Variants in ATF7 observed in about 807,000 individuals in gnomAD.
ATF7 encodes cyclic AMP-dependent transcription factor ATF-7.
In ATF7, 10 loss-of-function variants were observed where a neutral mutation model predicts 50.4. The ratio of observed to expected loss-of-function variants is 0.20; its 90% CI spans 0.12 to 0.34. The LOEUF is 0.34. Among genes scored for constraint, ATF7 ranks in the 10% least tolerant of loss-of-function variants. ATF7 has a pLI of 1.00. For synonymous variants in ATF7, 201 were observed against 226.4 expected, an observed-to-expected ratio of 0.89 and a Z score of 1.01; for missense variants, 465 against 613.9, an observed-to-expected ratio of 0.76 and a Z score of 2.56.
chr12:53,517,626 T>C, intron 11 of ATF7: 1 of 482,172 alleles, frequency 2.1e-6, no homozygotes, highest in Admixed American at 3.3e-5. Flanking sequence ...GTCTGGTTTC[T>C]AGGTCTTTGC....
intron 2 of ATF7, among the ~76,000 whole-genome samples, chr12:53,570,103 G>C (rs1173297329): frequency 6.6e-6 from 1 of 152,142 alleles, no homozygotes; most frequent in Non-Finnish European, 1.5e-5. Context: ...GAGATACCAG[G>C]CAGATACATA....
chr12:53,589,955 G>C (rs1592942313), intron 2 of ATF7, among the ~76,000 whole-genome samples: 1 of 152,092 alleles, frequency 6.6e-6, no homozygotes, highest in East Asian at 1.9e-4. Flanking sequence ...TTTTGGTAGA[G>C]TCAGGGTCTC....
chr12:53,586,311 A>G, intron 2 of ATF7, among the ~76,000 whole-genome samples: 1 of 152,170 alleles, frequency 6.6e-6, no homozygotes, highest in Non-Finnish European at 1.5e-5. Context: ...AGTCTCCGTT[A>G]GTCCTAAAAA....
rs540889934 is a variant in ATF7 at position 53,530,644 on chromosome 12, A to G, written c.927+1100T>C. 4.6e-5 allele frequency among the ~76,000 whole-genome samples: 7 copies of G among 152,020 alleles called. No individual in the cohort carries two copies. In the East Asian group the frequency reaches 7.7e-4, roughly 17 times the overall value. ...TTCTTTTGAGACAAAGTCTCACTCT[A>G]TCACCCAGGCTGGAGTGCAGTGGTG... is the stretch of plus-strand genomic sequence containing the variant. On this transcript the variant is annotated intron_variant, in intron 9 of 11. Coordinates refer to ENST00000420353, the MANE Select transcript of ATF7 (RefSeq NM_006856.3).
intron 2 of ATF7, among the ~76,000 whole-genome samples, chr12:53,581,223 T>C (rs533773949): frequency 3.3e-4 from 51 of 152,262 alleles, no homozygotes; most frequent in African/African-American, 1.2e-3. Flanking sequence ...AAGAGACAGA[T>C]AGATGAACCT....
intron 1 of ATF7, among the ~76,000 whole-genome samples, chr12:53,603,804 A>G (rs1451139887): frequency 6.6e-6 from 1 of 152,230 alleles, no homozygotes; most frequent in Admixed American, 6.5e-5. Context: ...TGCTACATAT[A>G]AAGAATGTCA....
chr12:53,540,682 C>T (rs930685961), intron 4 of ATF7, among the ~76,000 whole-genome samples: 16 of 151,728 alleles, frequency 1.1e-4, no homozygotes, highest in South Asian at 4.1e-4. Context: ...GCCGAGATTG[C>T]GCTACTGCAC....
In ATF7 at chr12:53,532,635, G is replaced by T; in HGVS notation, c.661-12C>A. The stretch of plus-strand genomic sequence containing the variant: ...ACAGGTCTGGCCAGCTGGATCGAGA[G>T]AAGGAAAAAAAAAAAAAGAGAAGGG... On this transcript the variant is annotated splice_polypyrimidine_tract_variant and intron_variant, in intron 7 of 11. Coordinates refer to ENST00000420353, the MANE Select transcript of ATF7 (RefSeq NM_006856.3). 2 of 1,458,378 alleles carry T rather than the reference G, an allele frequency of 1.4e-6. No individual in the cohort carries two copies. The highest frequency in any genetic ancestry group is 1.8e-6 in the Non-Finnish European group (2 of 1,082,460). 90.3% of individuals were successfully genotyped at this position (1,458,378 alleles called of 1,614,324 possible). A position where few individuals can be genotyped will look rare whatever the true frequency, so the allele number is the denominator to read the frequency against.
chr12:53,587,831 A>ATATATATG (rs1250833646), intron 2 of ATF7, among the ~76,000 whole-genome samples: 2 of 43,768 alleles, frequency 4.6e-5, no homozygotes, highest in Non-Finnish European at 1.0e-4. Flanking sequence ...ATATATATAT[A>ATATATATG]TATATATATA....
Position 53,533,247 on chromosome 12 carries a change from G to A in ATF7, c.573C>T (p.Gly191=), listed in dbSNP as rs773836267. ...PSNRQMGSPT[G]SLPLVMHLAN... ...CAAGATGCATGACAAGAGGGAGGGAGCCAGTGGGAGACCTAGAGGAGACAT... is the reference window on the plus strand; with the variant it reads ...CAAGATGCATGACAAGAGGGAGGGAACCAGTGGGAGACCTAGAGGAGACAT... The change falls in exon 7 of 12, where the codon GGC becomes GGT. Residue 191 remains glycine (G), a synonymous_variant. Transcript: ENST00000420353. 6.2e-6 allele frequency: 10 copies of A among 1,612,968 alleles called. No individual in the cohort carries two copies. In the African/African-American group the frequency reaches 1.2e-4, roughly 19 times the overall value.
intron 2 of ATF7, among the ~76,000 whole-genome samples, chr12:53,587,142 G>A (rs773357220): frequency 2.0e-5 from 3 of 152,048 alleles, no homozygotes; most frequent in Admixed American, 6.5e-5. Flanking sequence ...TGAGGAGGGC[G>A]GATCACTTGA....
chr12:53,533,202 A>G lies in ATF7; in HGVS notation c.618T>C (p.Pro206=), dbSNP rs779438118. ...VMHLANGQTM[P]VLPGPPVQMP... ...TCTGTACTGGAGGCCCTGGCAACAC[A>G]GGCATGGTCTGTCCATTAGCAAGAT... The change falls in exon 7 of 12, where the codon CCT becomes CCC. Residue 206 remains proline, a synonymous_variant. Coordinates refer to ENST00000420353, the MANE Select transcript of ATF7 (RefSeq NM_006856.3). 6.2e-7 allele frequency: 1 copy of G among 1,613,810 alleles called. No homozygotes were observed. The highest frequency in any genetic ancestry group is 8.5e-7 in the Non-Finnish European group (1 of 1,179,834).
In ATF7 at chr12:53,532,608, A is replaced by T. The variant is rs1395182061; in HGVS notation, c.676T>A (p.Ser226Thr). Residue 226 changes from serine to threonine, a missense_variant, in exon 8 of 12, where the codon TCC becomes ACC. Physicochemically the swap from Ser to Thr is moderately conservative, Grantham distance 58 (BLOSUM62 1). Transcript: ENST00000420353. ...ATACCAGGAATGTTGGGCACCATGGACACAGGTCTGGCCAGCTGGATCGAG... is the reference window on the plus strand; with the variant it reads ...ATACCAGGAATGTTGGGCACCATGGTCACAGGTCTGGCCAGCTGGATCGAG... ...PSVISLARPV[S>T]MVPNIPGIPG... The T allele has an allele frequency of 1.2e-6, 2 of 1,605,972 alleles. No individual in the cohort carries two copies. The highest frequency in any genetic ancestry group is 1.7e-6 in the Non-Finnish European group (2 of 1,176,442).
intron 2 of ATF7, among the ~76,000 whole-genome samples, chr12:53,563,016 C>T (rs1024417280): frequency 2.6e-5 from 4 of 152,158 alleles, no homozygotes; most frequent in African/African-American, 9.7e-5. Context: ...TGCTATTCTT[C>T]TACTAACACT....
chr12:53,533,296 A>C (rs1285681980), intron 6 of ATF7, 37 bp from the exon 7 acceptor site: 2 of 1,509,848 alleles, frequency 1.3e-6, no homozygotes, highest in African/African-American at 1.4e-5. Flanking sequence ...CATAACACAG[A>C]CCTTTTGTCC....
At chr12:53,582,577 T>A (rs1310652404) in intron 2 of ATF7, among the ~76,000 whole-genome samples, 2 of 151,890 alleles carry the variant, frequency 1.3e-5, no homozygotes, top group African/African-American at 2.4e-5. Context: ...CTATATATAT[T>A]TTATTTATTT....
Position 53,550,347 on chromosome 12 carries a change from T to A in ATF7, c.145+2194A>T, listed in dbSNP as rs1219232431. The stretch of plus-strand genomic sequence containing the variant: ...TCAAAAAAAAAAATAAATAAATAAA[T>A]AAATAAATAAATAAATAAATAATAA... On this transcript the variant is annotated intron_variant, in intron 3 of 11. Coordinates refer to ENST00000420353, the MANE Select transcript of ATF7 (RefSeq NM_006856.3). Among the ~76,000 whole-genome samples, 466 of 141,794 alleles carry A rather than the reference T, an allele frequency of 3.3e-3. 4 individuals carry two copies. The highest frequency in any genetic ancestry group is 9.5e-3 in the African/African-American group (366 of 38,592). 93.0% of individuals were successfully genotyped at this position (141,794 alleles called of 152,430 possible).
intron 5 of ATF7, among the ~76,000 whole-genome samples, chr12:53,537,104 C>T (rs1039330818): frequency 2.0e-5 from 3 of 151,808 alleles, no homozygotes; most frequent in African/African-American, 7.3e-5. Flanking sequence ...CAGTCTCACT[C>T]TGTTGCCCAG....
chr12:53,525,687 T>C (rs1565920404), intron 9 of ATF7, among the ~76,000 whole-genome samples: 2 of 152,340 alleles, frequency 1.3e-5, no homozygotes, highest in South Asian at 2.1e-4. Flanking sequence ...ATTGGTGATA[T>C]AGGACTGTCT....
Sources: allele counts gnomAD v4.1 joint callset (sites outside exome capture counted in the v4.1 genomes callset), GRCh38; gene constraint gnomAD v4.1.1; transcripts MANE v1.5; gene names NCBI Gene and HGNC (gene_info 2026-07-23, HGNC 2026-07-21).